The following LYRM4 variants were observed in gnomAD, a reference collection of about 807,000 sequenced individuals.
The protein encoded by LYRM4 is LYR motif containing 4, also known as LYR motif-containing protein 4.
Under a neutral mutation model 11.7 loss-of-function variants are expected in LYRM4, and 9 were observed. That is an observed-to-expected ratio of 0.77 (90% confidence interval 0.46 to 1.34). The LOEUF (loss-of-function observed/expected upper bound fraction) is 1.34, where lower values mean the gene tolerates loss of function less well. Ranked by LOEUF, LYRM4 falls within the 40% of genes most tolerant of loss-of-function variation. The pLI is 0.00. For missense variants in LYRM4, 133 were observed against 112.5 expected (o/e 1.18, Z -0.82); for synonymous variants, 42 against 40.4 (o/e 1.04, Z -0.15).
the LYRM4 span, among the ~76,000 whole-genome samples, chr6:5,055,584 A>C: frequency 6.6e-6 from 1 of 151,852 alleles, no homozygotes; most frequent in Non-Finnish European, 1.5e-5. The surrounding 1 kb of genome is among the most constrained non-coding windows in gnomAD (Gnocchi z 4.5). Context: ...CCCACTTCAT[A>C]CTCCCCACCC....
In LYRM4 at chr6:5,181,166, T is replaced by TA. The variant is rs576798402; in HGVS notation, c.207+35451dup. 6.3e-4 allele frequency among the ~76,000 whole-genome samples: 96 copies of TA among 152,292 alleles called. 2 individuals carry two copies. Among genetic ancestry groups the TA allele is most frequent in the African/African-American group, 2.3e-3 (94 of 41,558 alleles). On this transcript the variant is annotated intron_variant, in intron 2 of 2. Transcript: ENST00000330636. The stretch of plus-strand genomic sequence containing the variant: ...TACAAGGTTTTCGTTTGTTTGTTTT[T>TA]AAAAAAACAAAACCACAAACCTGGT...
the LYRM4 span, among the ~76,000 whole-genome samples, chr6:5,058,428 C>T: frequency 2.0e-5 from 3 of 152,200 alleles, 1 homozygote; most frequent in Non-Finnish European, 4.4e-5. Context: ...ACTTCCACAC[C>T]AGCCATCGTT....
the LYRM4 span, chr6:5,086,022 G>A: frequency 1.0e-3 from 1,522 of 1,494,084 alleles, 30 homozygotes; most frequent in East Asian, 0.034. Flanking sequence ...AGCTCGGGGG[G>A]CTGCTGGCCG....
the LYRM4 span, among the ~76,000 whole-genome samples, chr6:5,058,339 G>A: frequency 2.6e-5 from 4 of 152,176 alleles, no homozygotes; most frequent in Admixed American, 6.5e-5. Flanking sequence ...AGTGCTGCCT[G>A]CTTTCTCAAC....
intron 2 of LYRM4, among the ~76,000 whole-genome samples, chr6:5,151,620 G>GGCA (rs1396971055): frequency 6.6e-6 from 1 of 152,148 alleles, no homozygotes; most frequent in Non-Finnish European, 1.5e-5. Context: ...TTTATCAGGA[G>GGCA]GCAGCATGTT....
chr6:5,184,901 C>G (rs970031827), intron 2 of LYRM4, among the ~76,000 whole-genome samples: 1 of 152,202 alleles, frequency 6.6e-6, no homozygotes, highest in African/African-American at 2.4e-5. Flanking sequence ...TCTGATTACA[C>G]TTGGAAGGGC....
chr6:5,168,269 G>A (rs1050795046), intron 2 of LYRM4, among the ~76,000 whole-genome samples: 1 of 152,110 alleles, frequency 6.6e-6, no homozygotes, highest in African/African-American at 2.4e-5. Context: ...TGCAAAACGT[G>A]GGCAAAACTG....
At chr6:5,229,706 A>G (rs1331637101) in intron 1 of LYRM4, among the ~76,000 whole-genome samples, 1 of 152,192 alleles carries the variant, frequency 6.6e-6, no homozygotes, top group African/African-American at 2.4e-5. Context: ...TGTGCAAAAA[A>G]AGTATATTCA....
At chr6:5,056,678 A>G in the LYRM4 span, among the ~76,000 whole-genome samples, 1 of 152,242 alleles carries the variant, frequency 6.6e-6, no homozygotes, top group Non-Finnish European at 1.5e-5. Flanking sequence ...CTCATGGTAC[A>G]TACAAGTATT....
the LYRM4 span, among the ~76,000 whole-genome samples, chr6:5,096,486 C>CAA: frequency 6.6e-6 from 1 of 151,888 alleles, no homozygotes; most frequent in Non-Finnish European, 1.5e-5. Flanking sequence ...AAGACTGTTT[C>CAA]AAAAAAACAA....
chr6:5,092,883 C>T, the LYRM4 span, among the ~76,000 whole-genome samples: 24 of 152,154 alleles, frequency 1.6e-4, no homozygotes, highest in Non-Finnish European at 2.9e-5. Context: ...GCCCCTGTGA[C>T]GCTCGGATCA....
At chr6:5,094,729 A>G in the LYRM4 span, among the ~76,000 whole-genome samples, 3 of 152,182 alleles carry the variant, frequency 2.0e-5, no homozygotes, top group Admixed American at 6.5e-5. Context: ...TTGTTGCTGC[A>G]TGACTGTATG....
At chr6:5,156,144 C>T (rs558115130) in intron 2 of LYRM4, among the ~76,000 whole-genome samples, 288 of 152,286 alleles carry the variant, frequency 1.9e-3, no homozygotes, top group African/African-American at 6.0e-3. Flanking sequence ...GATGATGAAA[C>T]GAAGTTAGCT....
At chr6:5,207,605 A>G (rs1000641772) in intron 2 of LYRM4, among the ~76,000 whole-genome samples, 1 of 152,222 alleles carries the variant, frequency 6.6e-6, no homozygotes, top group Non-Finnish European at 1.5e-5. Context: ...GTTTCCACTT[A>G]AGGGTACTTC....
chr6:5,050,400 G>A, the LYRM4 span, among the ~76,000 whole-genome samples: 1 of 152,202 alleles, frequency 6.6e-6, no homozygotes, highest in African/African-American at 2.4e-5. Context: ...TTCTGGTTAT[G>A]GAGGTGTAGA....
the LYRM4 span, among the ~76,000 whole-genome samples, chr6:5,046,193 C>T: frequency 6.6e-6 from 1 of 152,194 alleles, no homozygotes; most frequent in Middle Eastern, 3.4e-3. Context: ...GTTTCCCACG[C>T]TGCAGTGCAG....
chr6:5,178,595 G>A (rs1209761550), intron 2 of LYRM4, among the ~76,000 whole-genome samples: 2 of 151,374 alleles, frequency 1.3e-5, no homozygotes, highest in African/African-American at 4.9e-5. Context: ...AGGTGGATTA[G>A]CTGAGGTCAG....
intron 2 of LYRM4, among the ~76,000 whole-genome samples, chr6:5,145,061 G>A (rs961676571): frequency 1.3e-5 from 2 of 152,182 alleles, no homozygotes; most frequent in South Asian, 4.1e-4. Flanking sequence ...CAGGCCTGGC[G>A]CTGGAAGAGA....
chr6:5,243,957 A>C (rs1764026819), intron 1 of LYRM4, among the ~76,000 whole-genome samples: 2 of 152,164 alleles, frequency 1.3e-5, no homozygotes, highest in East Asian at 3.8e-4. Context: ...ACTTTTCCTT[A>C]CGTTCTTATT....
Sources: allele counts gnomAD v4.1 joint callset (sites outside exome capture counted in the v4.1 genomes callset), GRCh38; gene constraint gnomAD v4.1.1; non-coding constraint Gnocchi (gnomAD v3.1); transcripts MANE v1.5; gene names NCBI Gene and HGNC (gene_info 2026-07-23, HGNC 2026-07-21).